LRRC69: variants seen among roughly 807,000 people sequenced by gnomAD.
The protein encoded by LRRC69 is leucine-rich repeat-containing protein 69.
Under a neutral mutation model 37.8 loss-of-function variants are expected in LRRC69, and 42 were observed. The observed-to-expected ratio is 1.11, with a 90% CI of 0.87 to 1.44. The LOEUF is 1.44. LRRC69 is among the 40% of genes most tolerant of loss of function. The pLI, the probability that LRRC69 is intolerant of heterozygous loss-of-function variation, is 0.00. For synonymous variants in LRRC69, 141 were observed against 143.1 expected (o/e 0.99, Z 0.11); for missense variants, 357 against 401.9 (o/e 0.89, Z 0.96).
intron 5 of LRRC69, among the ~76,000 whole-genome samples, chr8:91,136,410 G>A (rs1316623099): frequency 2.0e-5 from 3 of 151,704 alleles, no homozygotes; most frequent in African/African-American, 7.3e-5. Context: ...TTACCTCCTA[G>A]AGCAATATTT....
At chr8:91,103,157 C>T (rs1813250768) in intron 1 of LRRC69, among the ~76,000 whole-genome samples, 2 of 152,082 alleles carry the variant, frequency 1.3e-5, no homozygotes, top group Non-Finnish European at 2.9e-5. Context: ...TGGATCTGGT[C>T]GTCTATCTTG....
chr8:91,157,525 C>T, intron 5 of LRRC69: 5 of 1,536,858 alleles, frequency 3.3e-6, no homozygotes, highest in East Asian at 2.3e-5. Context: ...CTATTTGTTT[C>T]CTATAGTATT....
chr8:91,120,694 T>G (rs1813603019), intron 1 of LRRC69, among the ~76,000 whole-genome samples: 1 of 152,118 alleles, frequency 6.6e-6, no homozygotes, highest in African/African-American at 2.4e-5. Context: ...TCATGGTAGC[T>G]GCGGATGGAG....
intron 1 of LRRC69, among the ~76,000 whole-genome samples, chr8:91,122,241 T>C (rs896416115): frequency 3.3e-5 from 5 of 152,060 alleles, no homozygotes; most frequent in Middle Eastern, 3.2e-3. Flanking sequence ...ACCATGAGTC[T>C]CACACTTCTG....
chr8:91,135,387 T>TA, intron 4 of LRRC69, among the ~76,000 whole-genome samples: 1 of 152,160 alleles, frequency 6.6e-6, no homozygotes, highest in East Asian at 1.9e-4. Context: ...TGCCCATAGT[T>TA]ATAGTACCTG....
At chr8:91,212,663 T>G (rs1247477741) in intron 7 of LRRC69, among the ~76,000 whole-genome samples, 2 of 152,192 alleles carry the variant, frequency 1.3e-5, no homozygotes, top group African/African-American at 2.4e-5. Context: ...CTGACATTCA[T>G]TTATGAAACT....
At chr8:91,113,220 A>G (rs1056380414) in intron 1 of LRRC69, among the ~76,000 whole-genome samples, 2 of 152,046 alleles carry the variant, frequency 1.3e-5, no homozygotes, top group African/African-American at 4.8e-5. Flanking sequence ...AACAATTTTA[A>G]AATGCATATG....
chr8:91,137,486 A>G (rs527752042), intron 5 of LRRC69, among the ~76,000 whole-genome samples: 1 of 152,214 alleles, frequency 6.6e-6, no homozygotes, highest in African/African-American at 2.4e-5. Flanking sequence ...TGTTTGTTAA[A>G]TGAATAAATC....
intron 7 of LRRC69, 119 bp downstream of exon 7, chr8:91,200,911 T>C (rs976947751): frequency 2.2e-6 from 2 of 921,900 alleles, no homozygotes; most frequent in African/African-American, 3.5e-5. Flanking sequence ...GATAGTATAC[T>C]GTAAATTTTG....
chr8:91,135,670 A>G, exon 5 of LRRC69: 1 of 1,461,736 alleles, frequency 6.8e-7, no homozygotes, highest in Non-Finnish European at 9.1e-7. Flanking sequence ...TGACACAGGA[A>G]CTTTGTGATC....
intron 5 of LRRC69, among the ~76,000 whole-genome samples, chr8:91,176,445 T>C (rs1023088814): frequency 2.2e-4 from 33 of 152,040 alleles, no homozygotes; most frequent in African/African-American, 7.7e-4. Context: ...GTGCCCGGCC[T>C]CTAGGATATA....
chr8:91,178,069 C>T (rs775597964), intron 5 of LRRC69, among the ~76,000 whole-genome samples: 65 of 152,192 alleles, frequency 4.3e-4, no homozygotes, highest in Middle Eastern at 3.4e-3. Flanking sequence ...AGGATGGTCT[C>T]GATCTCCTGA....
At chr8:91,144,999 G>C (rs1586243935) in intron 5 of LRRC69, among the ~76,000 whole-genome samples, 1 of 151,942 alleles carries the variant, frequency 6.6e-6, no homozygotes, top group African/African-American at 2.4e-5. Context: ...TTCCTAGGGA[G>C]ACCATTTAGT....
At chr8:91,132,290 C>T (rs1248284923) in intron 3 of LRRC69, among the ~76,000 whole-genome samples, 1 of 151,666 alleles carries the variant, frequency 6.6e-6, no homozygotes, top group Non-Finnish European at 1.5e-5. Context: ...CTTTATTTTC[C>T]TCACTTTTAA....
At chr8:91,135,856 A>G (rs1335845085) in intron 5 of LRRC69, 117 bp downstream of exon 5, 1 of 497,040 alleles carries the variant, frequency 2.0e-6, no homozygotes, top group Non-Finnish European at 3.4e-6. Flanking sequence ...AATTATACAA[A>G]TGACTCAAAG....
chr8:91,143,579 T>C (rs1255181970), intron 5 of LRRC69, among the ~76,000 whole-genome samples: 2 of 151,958 alleles, frequency 1.3e-5, no homozygotes, highest in African/African-American at 4.8e-5. Flanking sequence ...ATACTGTTTT[T>C]ATAAGAAAAA....
At chr8:91,157,909 C>T in intron 5 of LRRC69, 11 of 1,570,482 alleles carry the variant, frequency 7.0e-6, no homozygotes, top group Non-Finnish European at 9.6e-6. Context: ...GCTCAAAGTA[C>T]AAGAAAGTTG....
intron 1 of LRRC69, among the ~76,000 whole-genome samples, chr8:91,114,307 C>A (rs1262897155): frequency 6.6e-6 from 1 of 151,884 alleles, no homozygotes; most frequent in Non-Finnish European, 1.5e-5. Flanking sequence ...GGGTATATAT[C>A]CAAAGCAAAT....
At chr8:91,146,752 T>G (rs1563604067) in intron 5 of LRRC69, among the ~76,000 whole-genome samples, 1 of 151,728 alleles carries the variant, frequency 6.6e-6, no homozygotes, top group Non-Finnish European at 1.5e-5. Flanking sequence ...CAAAACTAAT[T>G]TGTCACAATT....
Sources: allele counts gnomAD v4.1 joint callset (sites outside exome capture counted in the v4.1 genomes callset), GRCh38; gene constraint gnomAD v4.1.1; transcripts MANE v1.5; gene names NCBI Gene and HGNC (gene_info 2026-07-23, HGNC 2026-07-21).